The following TICRR variants were observed in gnomAD, a reference collection of about 807,000 sequenced individuals.
TICRR encodes the protein treslin.
A neutral mutation model predicts 178.1 loss-of-function variants in TICRR; 132 were observed. That is an observed-to-expected ratio of 0.74 (90% confidence interval 0.64 to 0.86). The LOEUF (loss-of-function observed/expected upper bound fraction) is 0.86. Ranked by LOEUF, TICRR falls within the 40% of genes least tolerant of loss-of-function variation. TICRR has a pLI of 0.00. For missense variants in TICRR, 2,587 were observed against 2,334.3 expected, an observed-to-expected ratio of 1.11 and a Z score of -2.23; for synonymous variants, 991 against 900.7, an observed-to-expected ratio of 1.10 and a Z score of -1.79.
intron 7 of TICRR, among the ~76,000 whole-genome samples, chr15:89,596,148 G>A (rs1962994762): frequency 6.6e-6 from 1 of 152,106 alleles, no homozygotes; most frequent in East Asian, 1.9e-4. Context: ...TGACAAAGAT[G>A]CCCCAATAAT....
intron 13 of TICRR, among the ~76,000 whole-genome samples, chr15:89,605,483 C>G (rs1596050652): frequency 6.6e-6 from 1 of 152,170 alleles, no homozygotes; most frequent in African/African-American, 2.4e-5. Context: ...ATTCTCCTGC[C>G]TCAGCCTCCC....
In TICRR at chr15:89,627,150, T is replaced by C; in HGVS notation, c.*64T>C. 3 of 1,596,296 alleles carry C rather than the reference T, an allele frequency of 1.9e-6. No individual in the cohort carries two copies. Among genetic ancestry groups the C allele is most frequent in the South Asian group, 2.2e-5 (2 of 89,970 alleles). Reference sequence around the variant, plus strand: ...CCAGGACCCTGTGGACATAAAGAAGTTGGATGCCTGGTCCCAAGCCTCTTT... The same window carrying C: ...CCAGGACCCTGTGGACATAAAGAAGCTGGATGCCTGGTCCCAAGCCTCTTT... On this transcript the variant is annotated 3_prime_UTR_variant, in exon 22 of 22. Coordinates refer to ENST00000268138, the MANE Select transcript of TICRR (RefSeq NM_152259.4).
rs1451760093 is a variant in TICRR at position 89,584,441 on chromosome 15, C to T, written c.1090C>T (p.Leu364=). 6.2e-7 allele frequency: 1 copy of T among 1,613,798 alleles called. No individual in the cohort carries two copies. ...CACTTTGGGCACTGACAGCTGGATG[C>T]TAGGAAGTCCAGAGGAGAGCACAGC... ...SSTLGTDSWM[L]GSPEESTATQ... is the part of the protein sequence containing the mutation. Residue 364 remains leucine (L), a synonymous_variant, in exon 3 of 22, where the codon CTA becomes TTA. Coordinates refer to ENST00000268138, the MANE Select transcript of TICRR (RefSeq NM_152259.4).
intron 13 of TICRR, among the ~76,000 whole-genome samples, chr15:89,605,046 A>G (rs1456542798): frequency 6.6e-6 from 1 of 152,212 alleles, no homozygotes; most frequent in Non-Finnish European, 1.5e-5. Context: ...CAAGGATTAA[A>G]AAAAAAATAT....
At position 89,624,496 on chromosome 15, in the gene TICRR, G is replaced by A. The variant is rs371609955; in HGVS notation, c.4186G>A (p.Val1396Met). 15 of 1,613,974 alleles carry A rather than the reference G, an allele frequency of 9.3e-6. No individual in the cohort carries two copies. Among genetic ancestry groups the A allele is most frequent in the African/African-American group, 8.0e-5 (6 of 74,922 alleles). ...RKTSDPRRSI[V>M]ECQPDASATP... ...GACCTCTGATCCCAGAAGGAGCATC[G>A]TGGAGTGTCAGCCTGATGCCTCCGC... The change falls in exon 20 of 22, where the codon GTG becomes ATG. Residue 1396 changes from valine to methionine, a missense_variant. Transcript: ENST00000268138.
At chr15:89,603,803 G>T (rs1302462871) in intron 13 of TICRR, among the ~76,000 whole-genome samples, 1 of 152,152 alleles carries the variant, frequency 6.6e-6, no homozygotes, top group Non-Finnish European at 1.5e-5. Context: ...ATTAGGCACA[G>T]TAAGAGATTA....
intron 4 of TICRR, among the ~76,000 whole-genome samples, chr15:89,589,774 G>C (rs914935480): frequency 1.3e-5 from 2 of 151,962 alleles, no homozygotes; most frequent in East Asian, 3.9e-4. Context: ...AATAGCTTTG[G>C]GAAAACTACA....
Position 89,625,961 on chromosome 15 carries a change from C to A in TICRR, c.5502C>A (p.Ala1834=). 6.3e-7 allele frequency: 1 copy of A among 1,590,216 alleles called. No individual in the cohort carries two copies. Among genetic ancestry groups the A allele is most frequent in the Non-Finnish European group, 8.5e-7 (1 of 1,170,652 alleles). Reference sequence around the variant, plus strand: ...GCTCCACCCCACCTCCCAGCTGTGCCGTGCGGAGCTGCCTCTCTGCCAGTG... The same window carrying A: ...GCTCCACCCCACCTCCCAGCTGTGCAGTGCGGAGCTGCCTCTCTGCCAGTG... The part of the protein sequence containing the change: ...VSGSTPPPSC[A]VRSCLSASAL... Residue 1834 remains alanine (A), a synonymous_variant, in exon 21 of 22, where the codon GCC becomes GCA. Coordinates refer to ENST00000268138, the MANE Select transcript of TICRR (RefSeq NM_152259.4).
At chr15:89,576,435 C>A (rs1466827122) in intron 1 of TICRR, among the ~76,000 whole-genome samples, 195 bp downstream of exon 1, 1 of 151,962 alleles carries the variant, frequency 6.6e-6, no homozygotes, top group Non-Finnish European at 1.5e-5. Flanking sequence ...CTGTTTAAGA[C>A]CCCTCACAAT....
At position 89,611,660 on chromosome 15, in the gene TICRR, A is replaced by AT. The variant is rs200698714; in HGVS notation, c.2869+2721dup. Reference sequence around the variant, plus strand: ...CCTACAGGTCCCTCAGACTTTGTTCATTTTTTTTTTAATTATTTTTTCTTT... The same window carrying AT: ...CCTACAGGTCCCTCAGACTTTGTTCATTTTTTTTTTTAATTATTTTTTCTTT... On this transcript the variant is annotated intron_variant, in intron 15 of 21. Transcript: ENST00000268138. Among the ~76,000 whole-genome samples, 409 of 148,032 alleles carry AT rather than the reference A, an allele frequency of 2.8e-3. 3 individuals are homozygous for AT. The highest frequency in any genetic ancestry group is 0.026 in the East Asian group (132 of 5,048).
At position 89,601,951 on chromosome 15, in the gene TICRR, C is replaced by A. The variant is rs201733600; in HGVS notation, c.2542C>A (p.Arg848Ser). The change falls in exon 12 of 22, where the codon CGT (arginine) becomes AGT (serine). Residue 848 changes from arginine to serine, a missense_variant. Coordinates refer to ENST00000268138, the MANE Select transcript of TICRR (RefSeq NM_152259.4). ...SPESDELQEL[R>S]TRSAKKRRKN... ...TGAATCTGATGAACTGCAGGAACTT[C>A]GTACCAGATCAGCCAAGAAGAGAAG... 16 of 1,614,006 alleles carry A rather than the reference C, an allele frequency of 9.9e-6. No homozygotes were observed. Among genetic ancestry groups the A allele is most frequent in the Non-Finnish European group, 1.4e-5 (16 of 1,180,020 alleles).
At chr15:89,592,587 A>G (rs1014533043) in intron 5 of TICRR, among the ~76,000 whole-genome samples, 1 of 152,356 alleles carries the variant, frequency 6.6e-6, no homozygotes, top group East Asian at 1.9e-4. Flanking sequence ...CTAAGAATCC[A>G]ACATGAGAAG....
chr15:89,608,686 A>T, intron 14 of TICRR, 117 bp from the exon 15 acceptor site: 1 of 788,534 alleles, frequency 1.3e-6, no homozygotes, highest in Non-Finnish European at 1.9e-6. Flanking sequence ...ATGTGACAAT[A>T]GCAATCTGTA....
chr15:89,619,626 A>C, intron 17 of TICRR, 82 bp from the exon 18 acceptor site: 1 of 1,493,414 alleles, frequency 6.7e-7, no homozygotes, highest in Non-Finnish European at 9.0e-7. Flanking sequence ...TACTATGTAA[A>C]TTTTGCCCGG....
intron 4 of TICRR, among the ~76,000 whole-genome samples, chr15:89,588,672 C>T (rs968737959): frequency 1.3e-5 from 2 of 151,920 alleles, no homozygotes; most frequent in Admixed American, 1.3e-4. Context: ...GAGGGCAACA[C>T]GCTGGGGCAC....
In TICRR at chr15:89,616,425, A is replaced by G. The variant is rs1596055806; in HGVS notation, c.2890A>G (p.Lys964Glu). The part of the protein sequence containing the change: ...KNKGYHKLLT[K>E]SVAETPVHKQ... Reference sequence around the variant, plus strand: ...TTTAGGTTATCACAAACTGCTGACTAAGAGTGTGGCCGAGACTCCAGTGCA... The same window carrying G: ...TTTAGGTTATCACAAACTGCTGACTGAGAGTGTGGCCGAGACTCCAGTGCA... The change falls in exon 16 of 22, where the codon AAG becomes GAG. Residue 964 changes from lysine to glutamate, a missense_variant. By Grantham distance (56) the Lys-to-Glu change is moderately conservative. Coordinates refer to ENST00000268138, the MANE Select transcript of TICRR (RefSeq NM_152259.4). The G allele has an allele frequency of 1.9e-6, 3 of 1,614,012 alleles. No homozygotes were observed. The East Asian group carries it at 6.7e-5, about 36-fold the overall frequency.
Position 89,593,105 on chromosome 15 carries a change from C to T in TICRR, c.1541+929C>T, listed in dbSNP as rs561380410. Among the ~76,000 whole-genome samples the T allele has an allele frequency of 1.6e-4, 25 of 152,134 alleles. No homozygotes were observed. The South Asian group carries it at 5.0e-3, about 30-fold the overall frequency. ...AAAATTTTTTTGGTTATTTTAGATA[C>T]TTCGCATTTTCATATAAACTTCAGA... On this transcript the variant is annotated intron_variant, in intron 5 of 21. Coordinates refer to ENST00000268138, the MANE Select transcript of TICRR (RefSeq NM_152259.4).
At chr15:89,580,773 C>T (rs74420538) in intron 1 of TICRR, among the ~76,000 whole-genome samples, 2,032 of 152,302 alleles carry the variant, frequency 0.013, 29 homozygotes, top group Middle Eastern at 0.024. Flanking sequence ...GTGGCTTATA[C>T]CTGTAACCCC....
chr15:89,610,352 G>A (rs1246974601), intron 15 of TICRR, among the ~76,000 whole-genome samples: 1 of 152,066 alleles, frequency 6.6e-6, no homozygotes, highest in African/African-American at 2.4e-5. Context: ...TCTCCCTTCA[G>A]TTCTGTCAAT....
Sources: allele counts gnomAD v4.1 joint callset (sites outside exome capture counted in the v4.1 genomes callset), GRCh38; gene constraint gnomAD v4.1.1; transcripts MANE v1.5; gene names NCBI Gene and HGNC (gene_info 2026-07-23, HGNC 2026-07-21).